Variants in KLRG1 observed in about 807,000 individuals in gnomAD.
The protein encoded by KLRG1 is killer cell lectin like receptor G1.
A neutral mutation model predicts 21.8 loss-of-function variants in KLRG1; 16 were observed. The observed-to-expected ratio is 0.73, with a 90% CI of 0.50 to 1.11. KLRG1 has a LOEUF of 1.11. KLRG1 is among the 50% of genes most tolerant of loss of function. The pLI is 0.00. For missense variants in KLRG1, 173 were observed against 218.3 expected, an observed-to-expected ratio of 0.79 and a Z score of 1.31; for synonymous variants, 69 against 75.9, an observed-to-expected ratio of 0.91 and a Z score of 0.47.
At chr12:9,148,756 T>G in the KLRG1 span, 6 of 498,222 alleles carry the variant, frequency 1.2e-5, no homozygotes, top group Non-Finnish European at 2.1e-5. Flanking sequence ...AATCCAACCT[T>G]TGCACCAAAA....
the KLRG1 span, chr12:9,074,790 G>T: frequency 1.2e-6 from 2 of 1,601,588 alleles, no homozygotes; most frequent in Admixed American, 3.4e-5. Flanking sequence ...TTGTCTTAAA[G>T]ATGAGAAAAA....
the KLRG1 span, chr12:9,107,550 C>T: frequency 1.2e-5 from 19 of 1,613,834 alleles, no homozygotes; most frequent in Non-Finnish European, 1.5e-5. Context: ...TCACAGAAAG[C>T]CTGTGAATCT....
intron 1 of KLRG1, among the ~76,000 whole-genome samples, chr12:8,972,939 G>A (rs937509768): frequency 7.9e-5 from 12 of 151,960 alleles, no homozygotes; most frequent in African/African-American, 2.4e-4. Context: ...TCAGGAGTTC[G>A]AGACCAGCCT....
chr12:9,138,418 A>T, the KLRG1 span, among the ~76,000 whole-genome samples: 59,609 of 151,502 alleles, frequency 0.39, 12,121 homozygotes, highest in African/African-American at 0.44. Context: ...TAATATTTTT[A>T]AAATATTTTT....
At chr12:9,099,518 C>T in the KLRG1 span, 1 of 1,607,556 alleles carries the variant, frequency 6.2e-7, no homozygotes, top group Non-Finnish European at 8.5e-7. Flanking sequence ...GAAAAATGGC[C>T]CTTCACTGGG....
chr12:9,124,984 A>G, the KLRG1 span, among the ~76,000 whole-genome samples: 5 of 152,246 alleles, frequency 3.3e-5, no homozygotes, highest in African/African-American at 9.6e-5. Flanking sequence ...GCTCAGGCAG[A>G]GCAAGAGAGA....
At chr12:9,003,927 C>A (rs1329231757) in intron 3 of KLRG1, among the ~76,000 whole-genome samples, 1 of 148,892 alleles carries the variant, frequency 6.7e-6, no homozygotes, top group Non-Finnish European at 1.5e-5. Context: ...TTGTTCAATT[C>A]CCATCTATGA....
chr12:9,196,566 C>A, the KLRG1 span: 1 of 1,595,988 alleles, frequency 6.3e-7, no homozygotes, highest in South Asian at 1.1e-5. Flanking sequence ...GTTCATTACT[C>A]ACACCTGTCC....
At chr12:9,070,417 G>A in the KLRG1 span, 1 of 993,778 alleles carries the variant, frequency 1.0e-6, no homozygotes, top group Non-Finnish European at 1.6e-6. Context: ...TTTGATATTA[G>A]TATTGTCTTA....
chr12:9,165,816 A>G, the KLRG1 span, among the ~76,000 whole-genome samples: 2 of 152,250 alleles, frequency 1.3e-5, no homozygotes, highest in Non-Finnish European at 2.9e-5. Context: ...GAATATTTAT[A>G]GTTCTCATGT....
the KLRG1 span, among the ~76,000 whole-genome samples, chr12:9,177,576 C>T: frequency 6.6e-6 from 1 of 152,224 alleles, no homozygotes; most frequent in Admixed American, 6.5e-5. Context: ...GTAACGCAAA[C>T]ACCCTTTCTA....
At chr12:9,112,775 A>C in the KLRG1 span, 11 of 501,336 alleles carry the variant, frequency 2.2e-5, no homozygotes, top group Non-Finnish European at 4.0e-5. Context: ...TCACACCTTC[A>C]TACAGCTCAC....
At chr12:9,165,947 A>G in the KLRG1 span, 1 of 1,366,462 alleles carries the variant, frequency 7.3e-7, no homozygotes, top group East Asian at 2.3e-5. Flanking sequence ...GAAGAGGTTA[A>G]GATAATTATT....
chr12:9,006,238 T>C (rs761027200), intron 3 of KLRG1, among the ~76,000 whole-genome samples: 1 of 152,344 alleles, frequency 6.6e-6, no homozygotes, highest in Admixed American at 6.5e-5. Flanking sequence ...TGATATGTGC[T>C]TTAAAGAAAA....
At chr12:9,060,920 G>A in the KLRG1 span, among the ~76,000 whole-genome samples, 1 of 151,998 alleles carries the variant, frequency 6.6e-6, no homozygotes, top group African/African-American at 2.4e-5. Flanking sequence ...GTGGTTACTC[G>A]AATATGATTT....
the KLRG1 span, chr12:9,027,897 C>T: frequency 1.4e-4 from 122 of 888,292 alleles, 1 homozygote; most frequent in East Asian, 2.9e-4. Flanking sequence ...GTTTCCAGAA[C>T]CATTTCGACC....
intron 3 of KLRG1, among the ~76,000 whole-genome samples, chr12:8,998,794 C>A (rs1461890993): frequency 6.6e-6 from 1 of 151,950 alleles, no homozygotes; most frequent in Non-Finnish European, 1.5e-5. Context: ...AACAAGACAA[C>A]TTTTTCTACT....
the KLRG1 span, among the ~76,000 whole-genome samples, chr12:9,143,466 G>A: frequency 1.3e-5 from 2 of 152,032 alleles, no homozygotes; most frequent in African/African-American, 2.4e-5. Context: ...GGTCAAAAGG[G>A]GTTTCAGAGG....
At chr12:9,194,685 C>A in the KLRG1 span, among the ~76,000 whole-genome samples, 1 of 152,052 alleles carries the variant, frequency 6.6e-6, no homozygotes, top group South Asian at 2.1e-4. Flanking sequence ...AGGATGGTCT[C>A]GATCGCCTGA....
Sources: gnomAD v4.1 joint callset for allele counts (sites outside exome capture counted in the v4.1 genomes callset) on GRCh38, gnomAD v4.1.1 for gene constraint, MANE v1.5 for transcripts, NCBI Gene and HGNC (gene_info 2026-07-23, HGNC 2026-07-21) for gene names.